The following EP300 variants were observed in gnomAD, a reference collection of about 807,000 sequenced individuals.
EP300 encodes the protein histone acetyltransferase p300.
Under a neutral mutation model 264.0 loss-of-function variants are expected in EP300, and 31 were observed. The ratio of observed to expected loss-of-function variants is 0.12; its 90% CI spans 0.09 to 0.16. The LOEUF (loss-of-function observed/expected upper bound fraction) is 0.16. EP300 is among the 10% of genes least tolerant of loss of function. EP300 has a pLI of 1.00. For missense variants in EP300, 2,766 were observed against 3,052.9 expected (o/e 0.91, Z 2.21); for synonymous variants, 1,340 against 1,045.4 (o/e 1.28, Z -5.44).
At chr22:41,149,588 G>C (rs932273557) in intron 13 of EP300, among the ~76,000 whole-genome samples, 173 bp from the exon 14 acceptor site, 2 of 152,070 alleles carry the variant, frequency 1.3e-5, no homozygotes, top group Admixed American at 1.3e-4. Context: ...TATCTTGATG[G>C]TGCTGTCCAA....
At chr22:41,140,392 C>T in intron 9 of EP300, 135 bp downstream of exon 9, 1 of 774,598 alleles carries the variant, frequency 1.3e-6, no homozygotes, top group South Asian at 1.4e-5. Flanking sequence ...TTATTGTCCC[C>T]AAGCATAGTT....
At chr22:41,112,090 G>A (rs2145690153) in intron 1 of EP300, among the ~76,000 whole-genome samples, 1 of 150,466 alleles carries the variant, frequency 6.6e-6, no homozygotes, top group East Asian at 2.0e-4. Flanking sequence ...GGGTTTCACT[G>A]TGTTAGCCAG....
rs769583219 is a variant in EP300 at position 41,178,625 on chromosome 22, A to G, written c.6914A>G (p.Asn2305Ser). 4 of 1,613,974 alleles carry G rather than the reference A, an allele frequency of 2.5e-6. No individual in the cohort carries two copies. In the Admixed American group the frequency reaches 6.7e-5, roughly 27 times the overall value. Residue 2305 changes from asparagine to serine, a missense_variant, in exon 31 of 31, where the codon AAT (asparagine) becomes AGT (serine). By Grantham distance (46) the Asn-to-Ser change is conservative. Transcript: ENST00000263253. ...QGQQIPNSLS[N>S]QVRSPQPVPS... ...CAGCAGATCCCTAATTCTCTCTCCA[A>G]TCAAGTGCGCTCTCCCCAGCCTGTC...
intron 18 of EP300, 27 bp from the exon 19 acceptor site, chr22:41,158,385 C>G: frequency 6.2e-7 from 1 of 1,608,284 alleles, no homozygotes; most frequent in Non-Finnish European, 8.5e-7. Flanking sequence ...GGCCTCTGTG[C>G]TTTTTAACAA....
intron 1 of EP300, among the ~76,000 whole-genome samples, chr22:41,105,447 G>T (rs918923465): frequency 2.6e-5 from 4 of 151,730 alleles, no homozygotes; most frequent in Non-Finnish European, 4.4e-5. Context: ...CATCCAGGCT[G>T]GAGTGCAGTG....
chr22:41,127,360 C>CA (rs1242728366), intron 3 of EP300, 127 bp from the exon 4 acceptor site: 7 of 1,268,732 alleles, frequency 5.5e-6, no homozygotes, highest in Middle Eastern at 2.3e-4. Context: ...TTCCCTGTGT[C>CA]AAAAAATGGA....
chr22:41,149,947 G>A lies in EP300; in HGVS notation c.2566G>A (p.Ala856Thr), dbSNP rs2145737404. ...PPSIGAQQPP[A>T]TTIPAPVPTP... The stretch of plus-strand genomic sequence containing the variant: ...AAGCATAGGGGCTCAGCAGCCACCA[G>A]CAACAACAATTCCAGCCCCTGTTCC... Residue 856 changes from alanine to threonine, a missense_variant, in exon 14 of 31, where the codon GCA becomes ACA. By Grantham distance (58) the Ala-to-Thr change is moderately conservative. Transcript: ENST00000263253. 6.2e-7 allele frequency: 1 copy of A among 1,613,264 alleles called. No individual in the cohort carries two copies. The highest frequency in any genetic ancestry group is 8.5e-7 in the Non-Finnish European group (1 of 1,179,796).
chr22:41,099,192 T>C (rs1256953686), intron 1 of EP300, among the ~76,000 whole-genome samples: 1 of 151,906 alleles, frequency 6.6e-6, no homozygotes, highest in Non-Finnish European at 1.5e-5. Flanking sequence ...GCCTCCGGAG[T>C]AGCTAGGACT....
In EP300 at chr22:41,146,816, G is replaced by C. The variant is rs2145732507; in HGVS notation, c.2131G>C (p.Gly711Arg). 6.2e-7 allele frequency: 1 copy of C among 1,613,746 alleles called. No homozygotes were observed. The highest frequency in any genetic ancestry group is 8.5e-7 in the Non-Finnish European group (1 of 1,179,818). Residue 711 changes from glycine to arginine, a missense_variant and splice_region_variant, in exon 11 of 31, where the codon GGT becomes CGT. By Grantham distance (125) the Gly-to-Arg change is moderately radical (BLOSUM62 -2). Transcript: ENST00000263253. The stretch of plus-strand genomic sequence containing the variant: ...GATGCCTCGAATAACTCCACAATCT[G>C]GTAAATAGTGAAAAAAATTTTTTTA... Reference protein sequence around the residue: ...QMMPRITPQSGLNQFGQMSMA... With the variant: ...QMMPRITPQSRLNQFGQMSMA...
chr22:41,136,371 T>C (rs2058950531), intron 7 of EP300, among the ~76,000 whole-genome samples: 1 of 152,248 alleles, frequency 6.6e-6, no homozygotes, highest in African/African-American at 2.4e-5. Flanking sequence ...ATTGATTTTC[T>C]AGTGTAGCCT....
At chr22:41,146,876 A>G in intron 11 of EP300, 60 bp downstream of exon 11, 2 of 1,412,970 alleles carry the variant, frequency 1.4e-6, no homozygotes, top group African/African-American at 1.4e-5. Context: ...GCAAGATAAT[A>G]CTTGCTACCT....
Position 41,177,880 on chromosome 22 carries a change from A to C in EP300, c.6169A>C (p.Thr2057Pro). 6.2e-7 allele frequency: 1 copy of C among 1,614,014 alleles called. No individual in the cohort carries two copies. The highest frequency in any genetic ancestry group is 8.5e-7 in the Non-Finnish European group (1 of 1,179,974). ...ACAAGCCTTACAAAACCTTTTGCGG[A>C]CTCTCAGGTCTCCCAGCTCTCCCCT... ...SQQALQNLLRTLRSPSSPLQQ... is the reference protein window; with the variant it reads ...SQQALQNLLRPLRSPSSPLQQ... Residue 2057 changes from threonine (T) to proline (P), a missense_variant, in exon 31 of 31, where the codon ACT (threonine) becomes CCT (proline). Thr to Pro is a conservative substitution (Grantham distance 38). Transcript: ENST00000263253.
intron 1 of EP300, among the ~76,000 whole-genome samples, chr22:41,101,195 C>T (rs548183499): frequency 6.6e-6 from 1 of 152,196 alleles, no homozygotes; most frequent in South Asian, 2.1e-4. Context: ...CTGCCTCAAC[C>T]TCCCAAGTAG....
At position 41,137,732 on chromosome 22, in the gene EP300, C is replaced by T. The variant is rs1046073854; in HGVS notation, c.1702C>T (p.Arg568Trp). ...TAAQPSTTGI[R>W]KQWHEDITQD... The stretch of plus-strand genomic sequence containing the variant: ...AGCTCAACCATCCACTACTGGAATT[C>T]GGAAACAGTGGCACGAAGATATTAC... The change falls in exon 8 of 31, where the codon CGG becomes TGG. Residue 568 changes from arginine (R) to tryptophan (W), a missense_variant. Transcript: ENST00000263253. 5 of 1,614,180 alleles carry T rather than the reference C, an allele frequency of 3.1e-6. No individual in the cohort carries two copies. The highest frequency in any genetic ancestry group is 1.3e-5 in the African/African-American group (1 of 75,046).
chr22:41,147,102 G>A lies in EP300; in HGVS notation c.2131+286G>A, dbSNP rs369638709. On this transcript the variant is annotated intron_variant, in intron 11 of 30. Coordinates refer to ENST00000263253, the MANE Select transcript of EP300 (RefSeq NM_001429.4). ...GGTGTACCACCTGAGGTCAAAGTAC[G>A]AGACCAGCCTGGCCAATGTGGTGAA... 9.2e-5 allele frequency among the ~76,000 whole-genome samples: 14 copies of A among 151,672 alleles called. 1 individual carries two copies. In the East Asian group the frequency reaches 1.6e-3, roughly 17 times the overall value.
intron 23 of EP300, among the ~76,000 whole-genome samples, chr22:41,167,602 A>ATGTG (rs2059144703): frequency 4.2e-5 from 1 of 23,858 alleles, no homozygotes; most frequent in African/African-American, 1.0e-4. Flanking sequence ...ATATATATAT[A>ATGTG]TATATATATA....
intron 27 of EP300, 82 bp downstream of exon 27, chr22:41,170,653 C>CA: frequency 5.1e-6 from 2 of 390,532 alleles, no homozygotes; most frequent in African/African-American, 3.2e-5. Context: ...TGTCATTTAA[C>CA]TTTTTTTTTT....
At chr22:41,108,529 G>A (rs958750741) in intron 1 of EP300, among the ~76,000 whole-genome samples, 12 of 152,046 alleles carry the variant, frequency 7.9e-5, no homozygotes, top group African/African-American at 2.2e-4. Flanking sequence ...GATTATAGGC[G>A]TGAGCCACGG....
intron 1 of EP300, among the ~76,000 whole-genome samples, chr22:41,104,548 C>G (rs1377945669): frequency 6.6e-6 from 1 of 152,030 alleles, no homozygotes; most frequent in African/African-American, 2.4e-5. Flanking sequence ...CCTCGGCCTC[C>G]CAAAGTGCTG....
Sources: gnomAD v4.1 joint callset for allele counts (sites outside exome capture counted in the v4.1 genomes callset) on GRCh38, gnomAD v4.1.1 for gene constraint, MANE v1.5 for transcripts, NCBI Gene and HGNC (gene_info 2026-07-23, HGNC 2026-07-21) for gene names.